RUBCNL: variants seen among roughly 807,000 people sequenced by gnomAD.
RUBCNL encodes the protein rubicon like autophagy enhancer.
In RUBCNL, 62 loss-of-function variants were observed where a neutral mutation model predicts 69.5. The ratio of observed to expected loss-of-function variants is 0.89; its 90% confidence interval spans 0.73 to 1.10. RUBCNL has a LOEUF of 1.10. Among genes scored for constraint, RUBCNL ranks in the 50% least tolerant of loss-of-function variants. The pLI, the probability that RUBCNL is intolerant of heterozygous loss-of-function variation, is 0.00. For synonymous variants in RUBCNL, 291 were observed against 303.6 expected (o/e 0.96, Z 0.43); for missense variants, 768 against 798.1 (o/e 0.96, Z 0.45).
upstream of RUBCNL, among the ~76,000 whole-genome samples, chr13:46,388,945 G>A (rs1257326412): frequency 2.0e-5 from 3 of 152,190 alleles, no homozygotes; most frequent in East Asian, 3.8e-4. Context: ...AGCCTGTTTG[G>A]AGCATAGACC....
chr13:46,382,631 C>T (rs2049143281), intron 1 of RUBCNL, among the ~76,000 whole-genome samples: 1 of 152,180 alleles, frequency 6.6e-6, no homozygotes, highest in Non-Finnish European at 1.5e-5. Flanking sequence ...CTCCCAGGTT[C>T]AGGCGATTCT....
At chr13:46,345,355 A>G in intron 13 of RUBCNL, 92 bp downstream of exon 13, 2 of 1,431,046 alleles carry the variant, frequency 1.4e-6, no homozygotes, top group South Asian at 2.7e-5. Flanking sequence ...CACTTCCCTC[A>G]GGGTTTGTGA....
intron 12 of RUBCNL, among the ~76,000 whole-genome samples, chr13:46,349,056 T>G (rs1196974423): frequency 6.6e-6 from 1 of 152,208 alleles, no homozygotes; most frequent in Non-Finnish European, 1.5e-5. Flanking sequence ...CCTCTTTCCT[T>G]TATAAATTAC....
intron 9 of RUBCNL, among the ~76,000 whole-genome samples, chr13:46,357,039 A>G (rs1293503339): frequency 1.3e-5 from 2 of 149,614 alleles, no homozygotes; most frequent in African/African-American, 2.4e-5. Context: ...TTAAAGCTAC[A>G]TCTCTTTAAA....
At chr13:46,359,417 A>C in intron 9 of RUBCNL, 69 bp downstream of exon 9, 1 of 1,342,958 alleles carries the variant, frequency 7.4e-7, no homozygotes, top group Non-Finnish European at 1.0e-6. Flanking sequence ...CTACTGCCAT[A>C]GAGTCAGGTG....
At chr13:46,363,394 A>G (rs1021020782) in intron 5 of RUBCNL, among the ~76,000 whole-genome samples, 181 bp from the exon 6 acceptor site, 6 of 152,200 alleles carry the variant, frequency 3.9e-5, no homozygotes, top group Non-Finnish European at 8.8e-5. Context: ...TTTTGCACTC[A>G]CTATGATTAA....
intron 12 of RUBCNL, among the ~76,000 whole-genome samples, chr13:46,347,762 C>A (rs936543083): frequency 6.6e-6 from 1 of 151,980 alleles, no homozygotes; most frequent in South Asian, 2.1e-4. Context: ...GAGGCCGAGG[C>A]GGGCAGATCA....
chr13:46,375,788 G>A (rs1225940660), intron 2 of RUBCNL, among the ~76,000 whole-genome samples: 1 of 152,106 alleles, frequency 6.6e-6, no homozygotes, highest in African/African-American at 2.4e-5. Flanking sequence ...ACCTTCTGGA[G>A]TAATAAGGAT....
intron 2 of RUBCNL, among the ~76,000 whole-genome samples, chr13:46,375,401 CGG>C (rs1374222444): frequency 2.6e-5 from 4 of 152,086 alleles, no homozygotes; most frequent in Non-Finnish European, 5.9e-5. Flanking sequence ...GGCGTGGTGG[CGG>C]GCGCCTATAA....
At chr13:46,361,396 G>A in intron 8 of RUBCNL, 45 bp downstream of exon 8, 2 of 1,606,646 alleles carry the variant, frequency 1.2e-6, no homozygotes, top group African/African-American at 1.3e-5. Flanking sequence ...GCAAAATGAG[G>A]ATTTAGGAAC....
intron 3 of RUBCNL, among the ~76,000 whole-genome samples, chr13:46,369,672 T>C (rs1240236688): frequency 6.6e-6 from 1 of 152,240 alleles, no homozygotes; most frequent in Non-Finnish European, 1.5e-5. Flanking sequence ...TTACTGGCAA[T>C]GACCACCATC....
At chr13:46,385,881 T>C (rs2138863907) in intron 1 of RUBCNL, among the ~76,000 whole-genome samples, 1 of 152,212 alleles carries the variant, frequency 6.6e-6, no homozygotes, top group African/African-American at 2.4e-5. Context: ...TCCCACTTTG[T>C]AAAGGCCCTA....
intron 10 of RUBCNL, 35 bp downstream of exon 10, chr13:46,356,397 A>G (rs771682204): frequency 1.2e-5 from 20 of 1,606,068 alleles, no homozygotes; most frequent in Non-Finnish European, 1.5e-5. Flanking sequence ...CCTTGTCATC[A>G]CATCATAAGC....
At chr13:46,379,842 T>A (rs992570333) in intron 1 of RUBCNL, among the ~76,000 whole-genome samples, 9 of 152,196 alleles carry the variant, frequency 5.9e-5, no homozygotes, top group African/African-American at 2.2e-4. Context: ...AGGATCTACT[T>A]CTCTTCATGC....
chr13:46,352,760 C>T lies in RUBCNL; in HGVS notation c.1331-2409G>A, dbSNP rs200826418. Among the ~76,000 whole-genome samples, 37 of 151,994 alleles carry T rather than the reference C, an allele frequency of 2.4e-4. No individual in the cohort carries two copies. In the East Asian group the frequency reaches 6.2e-3, roughly 25 times the overall value. Reference sequence around the variant, plus strand: ...CAGAGGTTGCAGTGAGCCAAGATTGCGCCATTGCGCTCCAGCCTGGGTGGG... The same window carrying T: ...CAGAGGTTGCAGTGAGCCAAGATTGTGCCATTGCGCTCCAGCCTGGGTGGG... On this transcript the variant is annotated intron_variant, in intron 10 of 14. Coordinates refer to ENST00000429979, the MANE Select transcript of RUBCNL (RefSeq NM_025113.5).
rs2048171390 is a variant in RUBCNL at position 46,343,238 on chromosome 13, A to G, written c.*147T>C. On this transcript the variant is annotated 3_prime_UTR_variant, in exon 15 of 15. Coordinates refer to ENST00000429979, the MANE Select transcript of RUBCNL (RefSeq NM_025113.5). ...CACAGAATCTGCATTCTTTTGAAAC[A>G]TTAAGTATATGCAATAAAGAGAATA... 8.1e-7 allele frequency: 1 copy of G among 1,242,168 alleles called. No individual in the cohort carries two copies. The highest frequency in any genetic ancestry group is 1.5e-5 in the African/African-American group (1 of 66,662). 76.9% of individuals were successfully genotyped at this position (1,242,168 alleles called of 1,614,324 possible).
rs1295664605 is a variant in RUBCNL at position 46,339,944 on chromosome 13, C to G, written c.*3441G>C. ...ATTCTCAATGTCAGAAGTTTGAAAT[C>G]AAGGGGTCAGCCATGTTGGGTTTTT... is the stretch of plus-strand genomic sequence containing the variant. On this transcript the variant is annotated 3_prime_UTR_variant, in exon 15 of 15. Coordinates refer to ENST00000429979, the MANE Select transcript of RUBCNL (RefSeq NM_025113.5). 4.0e-5 allele frequency among the ~76,000 whole-genome samples: 6 copies of G among 151,842 alleles called. No individual in the cohort carries two copies. Among genetic ancestry groups the G allele is most frequent in the Non-Finnish European group, 8.8e-5 (6 of 67,940 alleles).
intron 5 of RUBCNL, among the ~76,000 whole-genome samples, chr13:46,365,327 T>C (rs1194240988): frequency 2.2e-4 from 25 of 114,464 alleles, no homozygotes; most frequent in African/African-American, 7.0e-4. Context: ...AAAAAAAAAA[T>C]CTCATGAAGG....
chr13:46,357,724 G>C (rs1171630091), intron 9 of RUBCNL, among the ~76,000 whole-genome samples: 1 of 151,092 alleles, frequency 6.6e-6, no homozygotes, highest in Non-Finnish European at 1.5e-5. Flanking sequence ...TCACCTCCCA[G>C]GTTCAAGCAG....
Sources: allele counts gnomAD v4.1 joint callset (sites outside exome capture counted in the v4.1 genomes callset), GRCh38; gene constraint gnomAD v4.1.1; transcripts MANE v1.5; gene names NCBI Gene and HGNC (gene_info 2026-07-23, HGNC 2026-07-21).